Variants in CLTCL1 observed in about 807,000 individuals in gnomAD.
CLTCL1 encodes the protein clathrin heavy chain like 1.
Under a neutral mutation model 190.0 loss-of-function variants are expected in CLTCL1, and 159 were observed. The ratio of observed to expected loss-of-function variants is 0.84; its 90% CI spans 0.74 to 0.95. The LOEUF (loss-of-function observed/expected upper bound fraction) is 0.95, where lower values mean the gene tolerates loss of function less well. CLTCL1 is among the 40% of genes least tolerant of loss of function. The probability of loss-of-function intolerance (pLI) is 0.00; values close to 1 mark genes in which losing one functional copy is unlikely to be tolerated. For synonymous variants in CLTCL1, 752 were observed against 769.6 expected (o/e 0.98, Z 0.38); for missense variants, 1,878 against 2,033.4 (o/e 0.92, Z 1.47).
At chr22:19,268,533 C>CA (rs34599972) in intron 2 of CLTCL1, among the ~76,000 whole-genome samples, 10,819 of 151,844 alleles carry the variant, frequency 0.071, 468 homozygotes, top group Middle Eastern at 0.17. Context: ...AAGAACTGGG[C>CA]AAATATTTAA....
intron 20 of CLTCL1, among the ~76,000 whole-genome samples, chr22:19,209,479 A>G (rs1207383848): frequency 2.0e-5 from 3 of 152,228 alleles, no homozygotes; most frequent in African/African-American, 4.8e-5. Flanking sequence ...GCTGTGGGGA[A>G]TAAGATTGCT....
At chr22:19,236,153 G>A (rs1387578961) in intron 5 of CLTCL1, among the ~76,000 whole-genome samples, 2 of 152,146 alleles carry the variant, frequency 1.3e-5, no homozygotes, top group African/African-American at 4.8e-5. Context: ...TTCTCAGGCC[G>A]AGAGATTACT....
intron 26 of CLTCL1, among the ~76,000 whole-genome samples, chr22:19,194,356 C>T (rs2084624463): frequency 6.6e-6 from 1 of 152,120 alleles, no homozygotes; most frequent in African/African-American, 2.4e-5. Context: ...GTGGCAGGCA[C>T]CTGTAATCCC....
chr22:19,281,672 T>G (rs2087720430), intron 1 of CLTCL1, among the ~76,000 whole-genome samples: 1 of 152,220 alleles, frequency 6.6e-6, no homozygotes, highest in African/African-American at 2.4e-5. Flanking sequence ...GACAGAGCAG[T>G]GCACTGAAGT....
intron 26 of CLTCL1, among the ~76,000 whole-genome samples, chr22:19,192,369 C>T (rs575710003): frequency 6.6e-6 from 1 of 152,292 alleles, no homozygotes; most frequent in East Asian, 1.9e-4. Context: ...CCAGCCCTGG[C>T]GATGTCATTT....
chr22:19,203,823 G>A (rs539001942), intron 22 of CLTCL1, among the ~76,000 whole-genome samples: 2 of 152,266 alleles, frequency 1.3e-5, no homozygotes, highest in South Asian at 2.1e-4. Context: ...CGACTTGTCC[G>A]AATATTAGTC....
intron 4 of CLTCL1, among the ~76,000 whole-genome samples, chr22:19,241,284 T>C (rs2086246019): frequency 6.6e-6 from 1 of 152,244 alleles, no homozygotes; most frequent in African/African-American, 2.4e-5. Flanking sequence ...CAGGGCACTC[T>C]GTGAGGCAGG....
At chr22:19,240,452 C>T (rs1049715413) in intron 4 of CLTCL1, among the ~76,000 whole-genome samples, 1 of 151,844 alleles carries the variant, frequency 6.6e-6, no homozygotes, top group Non-Finnish European at 1.5e-5. Flanking sequence ...AGGGAAACAC[C>T]AAAGGGGCTC....
chr22:19,202,449 G>A (rs2084921054), intron 22 of CLTCL1, among the ~76,000 whole-genome samples: 5 of 150,894 alleles, frequency 3.3e-5, no homozygotes, highest in African/African-American at 1.2e-4. Context: ...CGCCATCCAC[G>A]GCACCTCCCG....
chr22:19,266,415 GA>G (rs1555977994), intron 2 of CLTCL1, among the ~76,000 whole-genome samples: 1 of 152,164 alleles, frequency 6.6e-6, no homozygotes, highest in African/African-American at 2.4e-5. Flanking sequence ...AGCAAGTAAG[GA>G]AGTTGAATTT....
chr22:19,290,465 T>C (rs1555992664), intron 1 of CLTCL1, among the ~76,000 whole-genome samples: 1 of 152,226 alleles, frequency 6.6e-6, no homozygotes, highest in South Asian at 2.1e-4. Flanking sequence ...AGTATTTTGC[T>C]ACCTCAACAT....
intron 29 of CLTCL1, among the ~76,000 whole-genome samples, chr22:19,186,662 G>A (rs960425690): frequency 2.0e-5 from 3 of 151,658 alleles, no homozygotes; most frequent in African/African-American, 2.4e-5. Context: ...ATGGAGTGGC[G>A]TGATCTCCGC....
intron 29 of CLTCL1, chr22:19,183,887 G>A (rs2084225369): frequency 2.1e-6 from 1 of 483,728 alleles, no homozygotes; most frequent in East Asian, 3.8e-5. Context: ...CAGAGGGCGT[G>A]CACAGGCTGC....
intron 11 of CLTCL1, among the ~76,000 whole-genome samples, chr22:19,228,517 C>G (rs1311340224): frequency 6.6e-6 from 1 of 152,120 alleles, no homozygotes; most frequent in Non-Finnish European, 1.5e-5. Flanking sequence ...CCAGTAGACC[C>G]CAAGCAGCAA....
chr22:19,226,446 G>T, intron 11 of CLTCL1, 63 bp from the exon 12 acceptor site: 1 of 1,583,538 alleles, frequency 6.3e-7, no homozygotes, highest in South Asian at 1.2e-5. Context: ...AAGACCAGCT[G>T]CTCAATCTTG....
At chr22:19,287,707 C>T (rs1216520672) in intron 1 of CLTCL1, among the ~76,000 whole-genome samples, 1 of 152,050 alleles carries the variant, frequency 6.6e-6, no homozygotes, top group African/African-American at 2.4e-5. Context: ...AGTGGCAGAA[C>T]GATGCCAAAA....
chr22:19,258,654 C>G, intron 2 of CLTCL1: 2 of 639,256 alleles, frequency 3.1e-6, no homozygotes, highest in Admixed American at 4.1e-5. Context: ...CACCACCTAC[C>G]ACCGCCTGCT....
chr22:19,216,683 G>A (rs1555949650), intron 18 of CLTCL1, among the ~76,000 whole-genome samples: 1 of 152,202 alleles, frequency 6.6e-6, no homozygotes, highest in South Asian at 2.1e-4. Flanking sequence ...GTGGAGCCAC[G>A]TGCCTTCACA....
At position 19,187,577 on chromosome 22, in the gene CLTCL1, T is replaced by C. The variant is rs1555928933; in HGVS notation, c.4586A>G (p.Lys1529Arg). The C allele has an allele frequency of 1.2e-6, 2 of 1,612,420 alleles. No individual in the cohort carries two copies. The highest frequency in any genetic ancestry group is 2.2e-5 in the South Asian group (2 of 91,030). The change falls in exon 29 of 33, where the codon AAG becomes AGG. Residue 1529 changes from lysine to arginine, a missense_variant. Coordinates refer to ENST00000427926, the MANE Select transcript of CLTCL1 (RefSeq NM_007098.4). ...NWWAQSVELC[K>R]KDHLYKDAMQ... is the part of the protein sequence containing the mutation. ...ACCAACCTTGTAGAGATGATCCTTC[T>C]TGCAGAGCTCCACGCTCTGGGCCCA...
Sources: gnomAD v4.1 joint callset for allele counts (sites outside exome capture counted in the v4.1 genomes callset) on GRCh38, gnomAD v4.1.1 for gene constraint, MANE v1.5 for transcripts, NCBI Gene and HGNC (gene_info 2026-07-23, HGNC 2026-07-21) for gene names.